IGF2BP1: variants seen among roughly 807,000 people sequenced by gnomAD.
The protein encoded by IGF2BP1 is insulin-like growth factor 2 mRNA-binding protein 1.
IGF2BP1 carries 11 observed loss-of-function variants against 74.9 expected under a neutral mutation model. The ratio of observed to expected loss-of-function variants is 0.15; its 90% CI spans 0.09 to 0.24. IGF2BP1 has a LOEUF of 0.24. Among genes scored for constraint, IGF2BP1 ranks in the 10% least tolerant of loss-of-function variants. The pLI is 1.00. For synonymous variants in IGF2BP1, 287 were observed against 281.8 expected (o/e 1.02, Z -0.18); for missense variants, 440 against 757.4 (o/e 0.58, Z 4.92).
intron 2 of IGF2BP1, among the ~76,000 whole-genome samples, chr17:49,020,011 TATATATAC>T (rs2041772013): frequency 1.2e-5 from 1 of 80,164 alleles, no homozygotes; most frequent in African/African-American, 5.5e-5. Flanking sequence ...CACACACACA[TATATATAC>T]ACACACACAC....
chr17:49,013,830 G>A, intron 2 of IGF2BP1: 1 of 152,486 alleles, frequency 6.6e-6, no homozygotes, highest in Non-Finnish European at 1.5e-5. Flanking sequence ...GCCCAGGGCG[G>A]GTAGCCAAGG....
intron 2 of IGF2BP1, among the ~76,000 whole-genome samples, chr17:49,021,506 G>A (rs950245503): frequency 2.6e-5 from 4 of 152,130 alleles, no homozygotes; most frequent in East Asian, 1.9e-4. Context: ...GCAAGCTGCC[G>A]CCCCCGTCCC....
At chr17:49,041,121 G>C (rs944095047) in intron 7 of IGF2BP1, among the ~76,000 whole-genome samples, 1 of 152,336 alleles carries the variant, frequency 6.6e-6, no homozygotes, top group East Asian at 1.9e-4. Flanking sequence ...CAAGGCTGTG[G>C]TGAGCCTTGA....
intron 2 of IGF2BP1, among the ~76,000 whole-genome samples, chr17:49,021,923 A>G (rs2041797593): frequency 6.6e-6 from 1 of 152,084 alleles, no homozygotes; most frequent in Admixed American, 6.5e-5. Flanking sequence ...AGGCAGTGGT[A>G]TTTTTCACTA....
intron 3 of IGF2BP1, 181 bp from the exon 4 acceptor site, chr17:49,026,285 T>C: frequency 1.7e-6 from 1 of 574,398 alleles, no homozygotes; most frequent in Non-Finnish European, 3.1e-6. Flanking sequence ...AGTACACTCC[T>C]GCAAAGATAC....
chr17:49,002,991 C>G (rs1225885633), intron 2 of IGF2BP1, among the ~76,000 whole-genome samples: 2 of 151,994 alleles, frequency 1.3e-5, no homozygotes, highest in Non-Finnish European at 2.9e-5. Context: ...TTTTCTGACC[C>G]AAATTAAAAA....
At chr17:49,045,821 C>A in intron 12 of IGF2BP1, 69 bp from the exon 13 acceptor site, 1 of 1,541,376 alleles carries the variant, frequency 6.5e-7, no homozygotes, top group Non-Finnish European at 8.8e-7. Flanking sequence ...CTGGAGCTTC[C>A]TTTTTCCCAC....
intron 12 of IGF2BP1, among the ~76,000 whole-genome samples, chr17:49,045,510 G>A (rs1377443752): frequency 5.3e-5 from 8 of 152,210 alleles, no homozygotes; most frequent in Non-Finnish European, 1.5e-5. Context: ...AGTCAGACAG[G>A]CCTGCCCTCT....
intron 4 of IGF2BP1, among the ~76,000 whole-genome samples, 162 bp from the exon 5 acceptor site, chr17:49,031,748 C>A (rs1359444606): frequency 6.6e-6 from 1 of 152,032 alleles, no homozygotes; most frequent in African/African-American, 2.4e-5. Flanking sequence ...GTGATCCGCC[C>A]GCCTCGCCCT....
At position 49,038,358 on chromosome 17, in the gene IGF2BP1, C is replaced by T; in HGVS notation, c.592C>T (p.Leu198Phe). 6.2e-7 allele frequency: 1 copy of T among 1,605,592 alleles called. No individual in the cohort carries two copies. Among genetic ancestry groups the T allele is most frequent in the Non-Finnish European group, 8.5e-7 (1 of 1,176,202 alleles). The change falls in exon 6 of 15, where the codon CTT becomes TTT. Residue 198 changes from leucine to phenylalanine, a missense_variant. Physicochemically the swap from Leu to Phe is conservative, Grantham distance 22. This residue lies in a region of IGF2BP1 where 184 missense variants were observed against 273.4 expected (regional missense o/e 0.67). Transcript: ENST00000290341. The part of the protein sequence containing the change: ...PAKQQQVDIP[L>F]RLLVPTQYVG... ...CAAGCAGCAGCAAGTGGACATCCCC[C>T]TTCGGCTCCTGGTGCCCACCCAGTA... is the stretch of plus-strand genomic sequence containing the variant.
At chr17:49,049,317 T>G in intron 14 of IGF2BP1, 35 bp from the exon 15 acceptor site, 1 of 1,592,960 alleles carries the variant, frequency 6.3e-7, no homozygotes, top group Non-Finnish European at 8.6e-7. Flanking sequence ...TCCTTGGAGG[T>G]CTCACACCCA....
At chr17:49,010,453 G>A (rs1287530078) in intron 2 of IGF2BP1, among the ~76,000 whole-genome samples, 1 of 151,504 alleles carries the variant, frequency 6.6e-6, no homozygotes, top group African/African-American at 2.4e-5. Context: ...GAGAAGCTGG[G>A]ACTACAGGCG....
Position 49,049,684 on chromosome 17 carries a change from A to G in IGF2BP1, c.*240A>G, listed in dbSNP as rs1486275538. 4.2e-6 allele frequency: 2 copies of G among 475,382 alleles called. No homozygotes were observed. The highest frequency in any genetic ancestry group is 7.6e-5 in the East Asian group (2 of 26,392). The allele number at this position is 475,382 out of a possible 1,614,324, so 29.4% of individuals were successfully genotyped here. ...TCGGGGTGTCAGAAATTCTAGCGCAAGGCACTTTTAAACGTGGATTGTTTA... is the reference window on the plus strand; with the variant it reads ...TCGGGGTGTCAGAAATTCTAGCGCAGGGCACTTTTAAACGTGGATTGTTTA... On this transcript the variant is annotated 3_prime_UTR_variant, in exon 15 of 15. Transcript: ENST00000290341.
intron 7 of IGF2BP1, among the ~76,000 whole-genome samples, 153 bp downstream of exon 7, chr17:49,040,244 A>G (rs1362502640): frequency 6.6e-6 from 1 of 152,224 alleles, no homozygotes; most frequent in African/African-American, 2.4e-5. Context: ...TTCTTCTTAC[A>G]GGACTTTGTC....
intron 2 of IGF2BP1, among the ~76,000 whole-genome samples, chr17:49,019,904 TTATATATA>T (rs60753189): frequency 0.091 from 3,995 of 43,820 alleles, 175 homozygotes; most frequent in Admixed American, 0.17. Context: ...CCTGGCTAAT[TTATATATA>T]TATATATATA....
In IGF2BP1 at chr17:49,052,042, G is replaced by A. The variant is rs574578644; in HGVS notation, c.*2598G>A. On this transcript the variant is annotated 3_prime_UTR_variant, in exon 15 of 15. Coordinates refer to ENST00000290341, the MANE Select transcript of IGF2BP1 (RefSeq NM_006546.4). ...TGGCTGGTGGCAAGGAGGGGCAGGG[G>A]ATATGGGGACGTGACTGGGACAGGT... 9.5e-4 allele frequency: 144 copies of A among 152,304 alleles called. No homozygotes were observed. Among genetic ancestry groups the A allele is most frequent in the Non-Finnish European group, 1.2e-3 (85 of 68,054 alleles). 9.4% of individuals were successfully genotyped at this position (152,304 alleles called of 1,614,324 possible). A position where few individuals can be genotyped will look rare whatever the true frequency, so the allele number is the denominator to read the frequency against.
Position 48,997,983 on chromosome 17 carries a change from C to A in IGF2BP1, c.175+63C>A. On this transcript the variant is annotated intron_variant, in intron 1 of 14. Coordinates refer to ENST00000290341, the MANE Select transcript of IGF2BP1 (RefSeq NM_006546.4). This position sits in a 1 kb window ranked among gnomAD's most constrained non-coding sequence, Gnocchi z 4.8. ...GAGCCCCGAACAACGGAGACCCGCACCTTCCGGTTCCTCTCCCGCCAACTC... is the reference window on the plus strand; with the variant it reads ...GAGCCCCGAACAACGGAGACCCGCAACTTCCGGTTCCTCTCCCGCCAACTC... 6.5e-7 allele frequency: 1 copy of A among 1,544,584 alleles called. No homozygotes were observed. Among genetic ancestry groups the A allele is most frequent in the Non-Finnish European group, 8.8e-7 (1 of 1,136,532 alleles).
At position 49,039,977 on chromosome 17, in the gene IGF2BP1, A is replaced by G. The variant is rs1423628890; in HGVS notation, c.704A>G (p.Glu235Gly). The change falls in exon 7 of 15, where the codon GAG (glutamate) becomes GGG (glycine). Residue 235 changes from glutamate (E) to glycine (G), a missense_variant. Physicochemically the swap from Glu to Gly is moderately conservative, Grantham distance 98. Transcript: ENST00000290341. Reference protein sequence around the residue: ...TQSKIDVHRKENAGAAEKAIS... With the variant: ...TQSKIDVHRKGNAGAAEKAIS... Reference sequence around the variant, plus strand: ...CCCAGGATAGACGTGCATAGGAAGGAGAACGCAGGTGCAGCTGAAAAAGCC... The same window carrying G: ...CCCAGGATAGACGTGCATAGGAAGGGGAACGCAGGTGCAGCTGAAAAAGCC... 1.2e-6 allele frequency: 2 copies of G among 1,612,784 alleles called. No individual in the cohort carries two copies. Among genetic ancestry groups the G allele is most frequent in the Non-Finnish European group, 1.7e-6 (2 of 1,180,028 alleles).
chr17:49,004,567 C>T (rs2041526346), intron 2 of IGF2BP1: 1 of 152,192 alleles, frequency 6.6e-6, no homozygotes, highest in South Asian at 2.1e-4. Flanking sequence ...AACCTGCAAT[C>T]TTTACAAAAT....
Sources: gnomAD v4.1 joint callset for allele counts (sites outside exome capture counted in the v4.1 genomes callset) on GRCh38, gnomAD v4.1.1 for gene constraint, gnomAD v4.1.1 regional missense constraint, Gnocchi (gnomAD v3.1) non-coding constraint, MANE v1.5 for transcripts, NCBI Gene and HGNC (gene_info 2026-07-23, HGNC 2026-07-21) for gene names.